Variants in THSD4 observed in about 807,000 individuals in gnomAD.
THSD4 encodes thrombospondin type 1 domain containing 4.
In THSD4, 69 loss-of-function variants were observed where a neutral mutation model predicts 119.0. The ratio of observed to expected loss-of-function variants is 0.58; its 90% CI spans 0.48 to 0.71. THSD4 has a LOEUF of 0.71. Ranked by LOEUF, THSD4 falls within the 30% of genes least tolerant of loss-of-function variation. The pLI, the probability that THSD4 is intolerant of heterozygous loss-of-function variation, is 0.00. For synonymous variants in THSD4, 524 were observed against 540.4 expected, an observed-to-expected ratio of 0.97 and a Z score of 0.42; for missense variants, 1,393 against 1,391.1, an observed-to-expected ratio of 1.00 and a Z score of -0.02.
Position 71,765,132 on chromosome 15 carries a change from C to G in THSD4, c.2702C>G (p.Pro901Arg). The G allele has an allele frequency of 6.2e-7, 1 of 1,614,172 alleles. No homozygotes were observed. The highest frequency in any genetic ancestry group is 8.5e-7 in the Non-Finnish European group (1 of 1,180,022). Residue 901 changes from proline to arginine, a missense_variant, in exon 16 of 18, where the codon CCC (proline) becomes CGC (arginine). By Grantham distance (103) the Pro-to-Arg change is moderately radical. Coordinates refer to ENST00000261862, the MANE Select transcript of THSD4 (RefSeq NM_024817.3). ...TCTGAATGTTCTTTCCTGGAGAAAC[C>G]CCCCAGCCAGCAATCCTGCCACCTC... ...DPSECSFLEKPPSQQSCHLKP... is the reference protein window; with the variant it reads ...DPSECSFLEKRPSQQSCHLKP...
chr15:71,490,177 G>A (rs377221552), intron 7 of THSD4, among the ~76,000 whole-genome samples: 288 of 152,254 alleles, frequency 1.9e-3, no homozygotes, highest in African/African-American at 6.3e-3. Context: ...TCTAATCCCA[G>A]CACTTTGGAG....
At chr15:71,707,417 G>A (rs2052415109) in intron 8 of THSD4, among the ~76,000 whole-genome samples, 2 of 152,294 alleles carry the variant, frequency 1.3e-5, no homozygotes, top group East Asian at 1.9e-4. Context: ...CTGCACTTTA[G>A]AGTCCAAATA....
chr15:71,733,157 T>A (rs1426407309), intron 10 of THSD4: 2 of 152,218 alleles, frequency 1.3e-5, no homozygotes, highest in Non-Finnish European at 2.9e-5. Context: ...GCTCAGCTCA[T>A]GAATAGCATG....
At chr15:71,341,019 T>G (rs1416873586) in intron 6 of THSD4, 9 of 663,280 alleles carry the variant, frequency 1.4e-5, no homozygotes, top group Non-Finnish European at 2.0e-5. Flanking sequence ...CCCCATTGTT[T>G]CCCAGTGTCT....
In THSD4 at chr15:71,361,766, A is replaced by C. The variant is rs560199496; in HGVS notation, c.1016-49921A>C. 2.6e-5 allele frequency among the ~76,000 whole-genome samples: 4 copies of C among 152,348 alleles called. No homozygotes were observed. The East Asian group carries it at 5.8e-4, about 22-fold the overall frequency. On this transcript the variant is annotated intron_variant, in intron 6 of 17. Transcript: ENST00000261862. Reference sequence around the variant, plus strand: ...AATGCTATGGGAGAAAAAACGGGTCAAACAAATTATATTTCATCCATACAA... The same window carrying C: ...AATGCTATGGGAGAAAAAACGGGTCCAACAAATTATATTTCATCCATACAA...
intron 7 of THSD4, among the ~76,000 whole-genome samples, chr15:71,451,109 C>T (rs1472855933): frequency 6.6e-6 from 1 of 152,066 alleles, no homozygotes; most frequent in Non-Finnish European, 1.5e-5. Flanking sequence ...ACCCGGGAGG[C>T]AGAGGTTGCA....
At chr15:71,185,187 G>A (rs1252039085) in intron 3 of THSD4, among the ~76,000 whole-genome samples, 1 of 151,716 alleles carries the variant, frequency 6.6e-6, no homozygotes, top group Non-Finnish European at 1.5e-5. Flanking sequence ...TACACATTCA[G>A]CTCCATCCCA....
intron 7 of THSD4, among the ~76,000 whole-genome samples, chr15:71,601,467 G>A (rs1464933428): frequency 3.3e-5 from 5 of 152,186 alleles, no homozygotes; most frequent in African/African-American, 7.2e-5. Flanking sequence ...CCAGGCTGCC[G>A]GACTTTGCAA....
chr15:71,261,477 A>T (rs538037558), intron 6 of THSD4, among the ~76,000 whole-genome samples: 1 of 152,176 alleles, frequency 6.6e-6, no homozygotes, highest in Non-Finnish European at 1.5e-5. Flanking sequence ...AGTTTGTGTG[A>T]TATATTACAT....
chr15:71,572,573 C>G (rs75348037), intron 7 of THSD4, among the ~76,000 whole-genome samples: 2 of 152,056 alleles, frequency 1.3e-5, no homozygotes, highest in African/African-American at 2.4e-5. Context: ...GGAGCTCTGG[C>G]GCTGGGCATG....
intron 3 of THSD4, among the ~76,000 whole-genome samples, chr15:71,204,732 C>G (rs891603891): frequency 1.3e-5 from 2 of 152,160 alleles, no homozygotes; most frequent in African/African-American, 2.4e-5. Flanking sequence ...TTCCTGTTTG[C>G]TGTTATACCT....
At chr15:71,430,591 T>C (rs1350056189) in intron 7 of THSD4, among the ~76,000 whole-genome samples, 1 of 151,782 alleles carries the variant, frequency 6.6e-6, no homozygotes, top group Admixed American at 6.6e-5. Context: ...ATGGTGTCTC[T>C]ACTAAAAATA....
intron 1 of THSD4, 65 bp from the exon 2 acceptor site, chr15:71,141,384 C>T (rs552990233): frequency 3.5e-5 from 30 of 850,468 alleles, no homozygotes; most frequent in East Asian, 1.5e-4. Context: ...TTTTGTTGAC[C>T]GAGTTACGCT....
intron 7 of THSD4, among the ~76,000 whole-genome samples, chr15:71,418,102 A>T (rs1430050867): frequency 2.8e-5 from 3 of 108,522 alleles, no homozygotes; most frequent in African/African-American, 9.4e-5. Flanking sequence ...TGTTTTTTGT[A>T]TGTCGATTTT....
intron 6 of THSD4, among the ~76,000 whole-genome samples, chr15:71,327,674 A>G (rs2045364156): frequency 6.6e-6 from 1 of 152,082 alleles, no homozygotes; most frequent in African/African-American, 2.4e-5. Context: ...TTTAAAGCAC[A>G]ATGCTGAATG....
chr15:71,285,577 C>T (rs1019262456), intron 6 of THSD4, among the ~76,000 whole-genome samples: 10 of 152,186 alleles, frequency 6.6e-5, no homozygotes, highest in South Asian at 2.1e-4. Flanking sequence ...AAAAAACAGC[C>T]GGGTGTGGTG....
At chr15:71,133,563 T>C (rs770173231) in intron 1 of THSD4, among the ~76,000 whole-genome samples, 4 of 152,170 alleles carry the variant, frequency 2.6e-5, no homozygotes, top group South Asian at 2.1e-4. Flanking sequence ...CATCTGAGAC[T>C]TGCACAGAAG....
At chr15:71,735,811 T>C (rs953856264) in intron 10 of THSD4, among the ~76,000 whole-genome samples, 2 of 151,678 alleles carry the variant, frequency 1.3e-5, no homozygotes, top group Admixed American at 1.3e-4. Context: ...TTTCTGTCTC[T>C]ATCTCTCTGT....
intron 7 of THSD4, among the ~76,000 whole-genome samples, chr15:71,453,404 A>C (rs1401084240): frequency 2.0e-5 from 3 of 152,214 alleles, no homozygotes; most frequent in Non-Finnish European, 1.5e-5. Context: ...TCAGGAACTG[A>C]TCTGTCATCT....
Sources: allele counts gnomAD v4.1 joint callset (sites outside exome capture counted in the v4.1 genomes callset), GRCh38; gene constraint gnomAD v4.1.1; transcripts MANE v1.5; gene names NCBI Gene and HGNC (gene_info 2026-07-23, HGNC 2026-07-21).